Variants in CCDC93 observed in about 807,000 individuals in gnomAD.
The protein encoded by CCDC93 is coiled-coil domain-containing protein 93.
A neutral mutation model predicts 108.2 loss-of-function variants in CCDC93; 61 were observed. The ratio of observed to expected loss-of-function variants is 0.56; its 90% confidence interval spans 0.46 to 0.70. The LOEUF (loss-of-function observed/expected upper bound fraction) is 0.70, where lower values mean the gene tolerates loss of function less well. CCDC93 is among the 30% of genes least tolerant of loss of function. The pLI, the probability that CCDC93 is intolerant of heterozygous loss-of-function variation, is 0.00. For synonymous variants in CCDC93, 276 were observed against 260.4 expected (o/e 1.06, Z -0.58); for missense variants, 685 against 764.2 (o/e 0.90, Z 1.22).
chr2:117,991,861 G>A (rs1192946246), intron 6 of CCDC93, among the ~76,000 whole-genome samples: 1 of 152,128 alleles, frequency 6.6e-6, no homozygotes, highest in Non-Finnish European at 1.5e-5. Flanking sequence ...TTAAAGTTTT[G>A]AGCTGTTTAA....
chr2:118,013,336 G>A (rs950951837), intron 1 of CCDC93, among the ~76,000 whole-genome samples: 6 of 152,324 alleles, frequency 3.9e-5, no homozygotes, highest in African/African-American at 1.4e-4. Flanking sequence ...CCCCTGGAGT[G>A]CGTCCCACCC....
At chr2:117,991,979 G>A (rs1680487772) in intron 6 of CCDC93, among the ~76,000 whole-genome samples, 1 of 152,184 alleles carries the variant, frequency 6.6e-6, no homozygotes, top group Admixed American at 6.5e-5. Context: ...AGGGCTTGCA[G>A]AAGTGGTAGA....
intron 23 of CCDC93, among the ~76,000 whole-genome samples, chr2:117,927,094 A>G (rs1232832716): frequency 6.6e-6 from 1 of 152,174 alleles, no homozygotes; most frequent in Non-Finnish European, 1.5e-5. Context: ...AACTCTCAAT[A>G]AACTAGGTAT....
Position 117,943,075 on chromosome 2 carries a change from T to G in CCDC93, c.1413+949A>C, listed in dbSNP as rs112543390. Among the ~76,000 whole-genome samples, 387 of 152,334 alleles carry G rather than the reference T, an allele frequency of 2.5e-3. 5 individuals carry two copies. The highest frequency in any genetic ancestry group is 4.5e-3 in the Non-Finnish European group (308 of 68,022). On this transcript the variant is annotated intron_variant, in intron 18 of 23. Coordinates refer to ENST00000376300, the MANE Select transcript of CCDC93 (RefSeq NM_019044.5). ...AATCTGTCCCATCAGTTCATTTCCA[T>G]GCATTCTACAGCCACTGCCTAACTC...
chr2:117,955,045 G>A (rs1413029638), intron 12 of CCDC93, among the ~76,000 whole-genome samples: 1 of 152,150 alleles, frequency 6.6e-6, no homozygotes, highest in African/African-American at 2.4e-5. Context: ...TCTCAGGTAT[G>A]TCTTTATCAG....
chr2:118,007,489 G>A (rs550578575), intron 2 of CCDC93, among the ~76,000 whole-genome samples: 1 of 152,306 alleles, frequency 6.6e-6, no homozygotes, highest in African/African-American at 2.4e-5. Flanking sequence ...GGCCAACGCA[G>A]TGAAACCCCT....
In CCDC93 at chr2:117,917,571, A is replaced by G. The variant is rs1677725330; in HGVS notation, c.*2772T>C. On this transcript the variant is annotated 3_prime_UTR_variant, in exon 24 of 24. Transcript: ENST00000376300. Reference sequence around the variant, plus strand: ...GGACTCTAACAGAGATATGCTTGACAAACTGGGAATTTGCCCTCTGTTAAA... The same window carrying G: ...GGACTCTAACAGAGATATGCTTGACGAACTGGGAATTTGCCCTCTGTTAAA... 1 of 152,334 alleles carries G rather than the reference A, an allele frequency of 6.6e-6. No individual in the cohort carries two copies. The highest frequency in any genetic ancestry group is 6.5e-5 in the Admixed American group (1 of 15,282). 9.4% of individuals were successfully genotyped at this position (152,334 alleles called of 1,614,324 possible).
Position 117,941,079 on chromosome 2 carries a change from T to C in CCDC93, c.1522+110A>G. On this transcript the variant is annotated intron_variant, in intron 19 of 23. Coordinates refer to ENST00000376300, the MANE Select transcript of CCDC93 (RefSeq NM_019044.5). ...CTGATGAAACGGAGCTTTCCGGTGG[T>C]GGCCTTTGTGGACTGTGCTCTGGTG... is the stretch of plus-strand genomic sequence containing the variant. 6.7e-6 allele frequency: 5 copies of C among 741,844 alleles called. No homozygotes were observed. In the South Asian group the frequency reaches 8.2e-5, roughly 12 times the overall value. 46.0% of individuals were successfully genotyped at this position (741,844 alleles called of 1,614,324 possible).
chr2:117,925,262 C>T (rs1212009614), intron 23 of CCDC93, among the ~76,000 whole-genome samples: 1 of 152,164 alleles, frequency 6.6e-6, no homozygotes, highest in Non-Finnish European at 1.5e-5. Context: ...ATCAAATTCA[C>T]ACATAACAAT....
At chr2:117,928,319 C>CGTTCA (rs774734140) in intron 23 of CCDC93, among the ~76,000 whole-genome samples, 5 of 152,098 alleles carry the variant, frequency 3.3e-5, no homozygotes, top group Admixed American at 6.6e-5. Flanking sequence ...TAGGAGTGAA[C>CGTTCA]AGGCAACCTA....
At chr2:117,930,082 T>C (rs970454924) in intron 23 of CCDC93, among the ~76,000 whole-genome samples, 1 of 152,190 alleles carries the variant, frequency 6.6e-6, no homozygotes. Context: ...GAAATGCCTA[T>C]GGGATGTGGC....
Position 117,935,583 on chromosome 2 carries a change from A to T in CCDC93, c.1644-4T>A, listed in dbSNP as rs1458336349. ...GGCAGCAGGGGAGGCCATGGCCCTG[A>T]AAGAAAAACCAGTAGAGTTATGACC... On this transcript the variant is annotated splice_polypyrimidine_tract_variant and splice_region_variant and intron_variant, in intron 21 of 23. Coordinates refer to ENST00000376300, the MANE Select transcript of CCDC93 (RefSeq NM_019044.5). 2.5e-6 allele frequency: 4 copies of T among 1,611,120 alleles called. No individual in the cohort carries two copies. The highest frequency in any genetic ancestry group is 3.4e-6 in the Non-Finnish European group (4 of 1,177,408).
chr2:117,955,356 T>TA (rs1679184563), intron 12 of CCDC93, among the ~76,000 whole-genome samples: 1 of 152,074 alleles, frequency 6.6e-6, no homozygotes. Context: ...TATGACCTTG[T>TA]AAAAGAGGCT....
At chr2:117,975,120 G>T in intron 9 of CCDC93, 68 bp downstream of exon 9, 1 of 1,392,124 alleles carries the variant, frequency 7.2e-7, no homozygotes, top group Non-Finnish European at 1.0e-6. Flanking sequence ...GAACGCTAGG[G>T]ATAAGAGTAC....
rs1265469421 is a variant in CCDC93, at chr2:117,918,299, T to C, written c.*2044A>G. On this transcript the variant is annotated 3_prime_UTR_variant, in exon 24 of 24. Coordinates refer to ENST00000376300, the MANE Select transcript of CCDC93 (RefSeq NM_019044.5). The stretch of plus-strand genomic sequence containing the variant: ...CAGGCAACAAAAACTGATTTATCCG[T>C]AGTAGGCCTTGTCGATAAAAAAAAA... 3.3e-5 allele frequency: 5 copies of C among 151,728 alleles called. No homozygotes were observed. The highest frequency in any genetic ancestry group is 5.9e-5 in the Non-Finnish European group (4 of 67,968). 9.4% of individuals were successfully genotyped at this position (151,728 alleles called of 1,614,324 possible). A position where few individuals can be genotyped will look rare whatever the true frequency, so the allele number is the denominator to read the frequency against.
chr2:117,943,554 C>T (rs1413471110), intron 18 of CCDC93, among the ~76,000 whole-genome samples: 2 of 152,192 alleles, frequency 1.3e-5, no homozygotes, highest in African/African-American at 2.4e-5. Flanking sequence ...AGAAGGTTGG[C>T]TTGAACCAAA....
chr2:117,926,034 C>T (rs770780631), intron 23 of CCDC93, among the ~76,000 whole-genome samples: 4 of 152,044 alleles, frequency 2.6e-5, no homozygotes, highest in East Asian at 3.9e-4. Flanking sequence ...TACATAACGA[C>T]ATGAAGGTAG....
At chr2:117,972,761 T>A (rs1225777816) in intron 11 of CCDC93, among the ~76,000 whole-genome samples, 1 of 152,178 alleles carries the variant, frequency 6.6e-6, no homozygotes, top group Non-Finnish European at 1.5e-5. Flanking sequence ...TTTCCATAAT[T>A]ACATCTTCAT....
intron 4 of CCDC93, chr2:117,997,160 C>T (rs918078411): frequency 4.6e-5 from 7 of 152,202 alleles, no homozygotes; most frequent in African/African-American, 1.7e-4. Flanking sequence ...TACCCAGAAA[C>T]AGCTGCTCTT....
Sources: gnomAD v4.1 joint callset for allele counts (sites outside exome capture counted in the v4.1 genomes callset) on GRCh38, gnomAD v4.1.1 for gene constraint, MANE v1.5 for transcripts, NCBI Gene and HGNC (gene_info 2026-07-23, HGNC 2026-07-21) for gene names.